Variants in RAB22A observed in about 807,000 individuals in gnomAD.
The protein encoded by RAB22A is RAB22A, member RAS oncogene family.
In RAB22A, 13 loss-of-function variants were observed where a neutral mutation model predicts 30.2. The ratio of observed to expected loss-of-function variants is 0.43; its 90% confidence interval spans 0.28 to 0.68. The LOEUF (loss-of-function observed/expected upper bound fraction) is 0.68. Ranked by LOEUF, RAB22A falls within the 30% of genes least tolerant of loss-of-function variation. The pLI is 0.18. For synonymous variants in RAB22A, 89 were observed against 87.2 expected, an observed-to-expected ratio of 1.02 and a Z score of -0.11; for missense variants, 177 against 246.8, an observed-to-expected ratio of 0.72 and a Z score of 1.89.
At chr20:58,358,567 A>C (rs977577269) in intron 6 of RAB22A, among the ~76,000 whole-genome samples, 8 of 152,176 alleles carry the variant, frequency 5.3e-5, no homozygotes, top group African/African-American at 1.7e-4. Flanking sequence ...GAATGGTGGT[A>C]CATCTACAAA....
intron 2 of RAB22A, among the ~76,000 whole-genome samples, chr20:58,333,276 C>CATAAATAAATAAATAAATAAATAAATAA (rs58194504): frequency 4.9e-5 from 7 of 143,662 alleles, no homozygotes; most frequent in Non-Finnish European, 7.5e-5. Context: ...GAGACTCCAT[C>CATAAATAAATAAATAAATAAATAAATAA]ATAAATAAAT....
At chr20:58,343,570 C>T in intron 2 of RAB22A, 148 bp from the exon 3 acceptor site, 2 of 578,184 alleles carry the variant, frequency 3.5e-6, no homozygotes, top group East Asian at 5.8e-5. Flanking sequence ...ATCTGAGCAT[C>T]CCATAAATAC....
In RAB22A at chr20:58,366,938, G is replaced by A. The variant is rs574386295; in HGVS notation, c.*7235G>A. The A allele has an allele frequency of 4.6e-5, 7 of 152,612 alleles. No individual in the cohort carries two copies. In the South Asian group the frequency reaches 8.3e-4, roughly 18 times the overall value. 9.5% of individuals were successfully genotyped at this position (152,612 alleles called of 1,614,324 possible). A position where few individuals can be genotyped will look rare whatever the true frequency, so the allele number is the denominator to read the frequency against. On this transcript the variant is annotated 3_prime_UTR_variant, in exon 7 of 7. Transcript: ENST00000244040. The stretch of plus-strand genomic sequence containing the variant: ...ATTTTTCAAAAAAAAAAGCTAAGCC[G>A]TCCTACCAGCAATCTCTCTTTCTCC...
chr20:58,328,489 A>C (rs1441027689), intron 2 of RAB22A, among the ~76,000 whole-genome samples: 2 of 152,006 alleles, frequency 1.3e-5, no homozygotes, highest in Non-Finnish European at 2.9e-5. Flanking sequence ...CATTCTTTAT[A>C]TTGTACTTGC....
intron 6 of RAB22A, among the ~76,000 whole-genome samples, chr20:58,356,122 C>T (rs377422857): frequency 6.6e-6 from 1 of 152,170 alleles, no homozygotes; most frequent in East Asian, 1.9e-4. Context: ...ACCAGCCTGG[C>T]CAACATGGTG....
chr20:58,342,506 A>G (rs1184153207), intron 2 of RAB22A, among the ~76,000 whole-genome samples: 1 of 152,178 alleles, frequency 6.6e-6, no homozygotes, highest in South Asian at 2.1e-4. Context: ...TTCAACTTGC[A>G]CTTTTCTTGA....
At chr20:58,348,098 A>C (rs1282399784) in intron 3 of RAB22A, among the ~76,000 whole-genome samples, 2 of 152,076 alleles carry the variant, frequency 1.3e-5, no homozygotes, top group Non-Finnish European at 2.9e-5. Flanking sequence ...ATGGTGGCGC[A>C]CACCTGTGGT....
intron 2 of RAB22A, among the ~76,000 whole-genome samples, chr20:58,318,903 G>C (rs1028482063): frequency 6.6e-6 from 1 of 152,198 alleles, no homozygotes; most frequent in African/African-American, 2.4e-5. Context: ...GCACATTTGG[G>C]AATCCTCCTT....
intron 3 of RAB22A, among the ~76,000 whole-genome samples, chr20:58,344,169 C>G (rs537774868): frequency 6.6e-6 from 1 of 152,136 alleles, no homozygotes; most frequent in Admixed American, 6.5e-5. Flanking sequence ...ACTCATTTAT[C>G]GCTGCCTTTT....
chr20:58,347,756 A>G (rs980747653), intron 3 of RAB22A, among the ~76,000 whole-genome samples: 5 of 152,208 alleles, frequency 3.3e-5, no homozygotes, highest in African/African-American at 9.7e-5. Context: ...ATTATTTGCT[A>G]TCTTGAATGA....
chr20:58,323,102 C>T (rs1304345688), intron 2 of RAB22A, among the ~76,000 whole-genome samples: 1 of 152,088 alleles, frequency 6.6e-6, no homozygotes, highest in East Asian at 1.9e-4. Context: ...AATATATGAA[C>T]ATAGATTACT....
At chr20:58,333,952 G>A (rs1986702155) in intron 2 of RAB22A, among the ~76,000 whole-genome samples, 1 of 152,132 alleles carries the variant, frequency 6.6e-6, no homozygotes, top group Admixed American at 6.5e-5. Context: ...TAGCTACTTG[G>A]GAGACTGAGG....
chr20:58,315,934 A>G (rs1484734155), intron 2 of RAB22A, among the ~76,000 whole-genome samples: 1 of 151,860 alleles, frequency 6.6e-6, no homozygotes, highest in African/African-American at 2.4e-5. Context: ...CGGCAGAGGA[A>G]CCCTTCCCTA....
chr20:58,338,125 C>T (rs906283253), intron 2 of RAB22A, among the ~76,000 whole-genome samples: 1 of 151,876 alleles, frequency 6.6e-6, no homozygotes, highest in South Asian at 2.1e-4. Flanking sequence ...CTCCTGGGTT[C>T]AAGTAATTCT....
At chr20:58,339,690 G>A (rs916660339) in intron 2 of RAB22A, among the ~76,000 whole-genome samples, 2 of 152,182 alleles carry the variant, frequency 1.3e-5, no homozygotes, top group Non-Finnish European at 2.9e-5. Flanking sequence ...CAGACATAAC[G>A]TTCTGTGATT....
intron 2 of RAB22A, among the ~76,000 whole-genome samples, chr20:58,336,804 G>A (rs2058767656): frequency 6.6e-6 from 1 of 152,134 alleles, no homozygotes; most frequent in Non-Finnish European, 1.5e-5. Flanking sequence ...AAGGAACAGG[G>A]CCTCACACCA....
chr20:58,325,103 G>C (rs1986541013), intron 2 of RAB22A, among the ~76,000 whole-genome samples: 1 of 149,910 alleles, frequency 6.7e-6, no homozygotes, highest in South Asian at 2.1e-4. Flanking sequence ...CTTAAACCTG[G>C]GAGTCGGAGG....
rs367805622 is a variant in RAB22A, at chr20:58,310,680, C to A, written c.37-363C>A. Among the ~76,000 whole-genome samples the A allele has an allele frequency of 2.0e-5, 3 of 152,272 alleles. No individual in the cohort carries two copies. The East Asian group carries it at 5.8e-4, about 29-fold the overall frequency. On this transcript the variant is annotated intron_variant, in intron 1 of 6. Transcript: ENST00000244040. ...GGAACTCCAATAACTAATCTTTATT[C>A]CCCCAAATAGGGTGGGGCTAGGATT...
intron 3 of RAB22A, among the ~76,000 whole-genome samples, chr20:58,346,515 T>C (rs1412422170): frequency 2.0e-5 from 3 of 152,260 alleles, no homozygotes; most frequent in African/African-American, 7.2e-5. Context: ...CTTTCCCGTC[T>C]TTTAGTGTCA....
Sources: gnomAD v4.1 joint callset for allele counts (sites outside exome capture counted in the v4.1 genomes callset) on GRCh38, gnomAD v4.1.1 for gene constraint, MANE v1.5 for transcripts, NCBI Gene and HGNC (gene_info 2026-07-23, HGNC 2026-07-21) for gene names.